ANK3: variants seen among roughly 807,000 people sequenced by gnomAD.
ANK3 encodes ankyrin-3.
ANK3 carries 57 observed loss-of-function variants against 370.9 expected under a neutral mutation model. The ratio of observed to expected loss-of-function variants is 0.15; its 90% CI spans 0.12 to 0.19. The LOEUF is 0.19. ANK3 is among the 10% of genes least tolerant of loss of function. ANK3 has a pLI of 1.00. For synonymous variants in ANK3, 1,929 were observed against 1,946.3 expected, an observed-to-expected ratio of 0.99 and a Z score of 0.23; for missense variants, 4,439 against 5,302.1, an observed-to-expected ratio of 0.84 and a Z score of 5.06.
intron 32 of ANK3, 158 bp downstream of exon 32, chr10:60,084,444 T>C (rs775414870): frequency 5.0e-6 from 2 of 397,192 alleles, no homozygotes; most frequent in Admixed American, 4.4e-5. Flanking sequence ...TTAAAAAAGA[T>C]AAAAAAATTT....
chr10:60,196,279 A>G (rs995070322), intron 15 of ANK3, 36 bp from the exon 16 acceptor site: 1 of 1,579,320 alleles, frequency 6.3e-7, no homozygotes, highest in Non-Finnish European at 8.7e-7. Context: ...CCAGTGTCAA[A>G]GGTGTCTTAA....
chr10:60,267,734 A>G (rs2097902767), intron 5 of ANK3, among the ~76,000 whole-genome samples: 1 of 152,190 alleles, frequency 6.6e-6, no homozygotes, highest in South Asian at 2.1e-4. Context: ...CTTCTAAAGG[A>G]GAGATACTTA....
At chr10:60,240,860 G>A (rs938117808) in intron 7 of ANK3, among the ~76,000 whole-genome samples, 1 of 152,162 alleles carries the variant, frequency 6.6e-6, no homozygotes, top group Non-Finnish European at 1.5e-5. Context: ...CAGTGTGCTG[G>A]GATTATAGGC....
At chr10:60,048,260 T>C (rs2077272607) in intron 42 of ANK3, among the ~76,000 whole-genome samples, 1 of 152,168 alleles carries the variant, frequency 6.6e-6, no homozygotes, top group African/African-American at 2.4e-5. Flanking sequence ...CAGTGTTAAC[T>C]ATGCTGGTTC....
chr10:60,335,866 G>A (rs2052699376), intron 1 of ANK3, among the ~76,000 whole-genome samples: 1 of 152,096 alleles, frequency 6.6e-6, no homozygotes, highest in African/African-American at 2.4e-5. Context: ...ATAGAGAGGT[G>A]GAGACACTTG....
intron 1 of ANK3, among the ~76,000 whole-genome samples, chr10:60,701,947 T>C (rs1029958483): frequency 1.1e-4 from 17 of 152,246 alleles, no homozygotes; most frequent in Non-Finnish European, 1.9e-4. Flanking sequence ...AATAAAACTT[T>C]ACAGCAGAAA....
chr10:60,477,415 G>A (rs1388622347), intron 2 of ANK3, among the ~76,000 whole-genome samples: 1 of 151,806 alleles, frequency 6.6e-6, no homozygotes, highest in Admixed American at 6.6e-5. Flanking sequence ...ATATTTTTCT[G>A]TACTCTTGAA....
intron 2 of ANK3, among the ~76,000 whole-genome samples, chr10:60,515,839 T>C (rs983774271): frequency 2.0e-5 from 3 of 152,208 alleles, no homozygotes; most frequent in African/African-American, 7.2e-5. Context: ...GTCATTATAC[T>C]AGTAAAAACT....
At chr10:60,218,868 G>C (rs2096990921) in intron 8 of ANK3, among the ~76,000 whole-genome samples, 1 of 152,030 alleles carries the variant, frequency 6.6e-6, no homozygotes. Context: ...ATAATATCCT[G>C]AACTGTGTTT....
chr10:60,178,957 C>CG (rs997435187), intron 18 of ANK3, among the ~76,000 whole-genome samples: 1 of 150,544 alleles, frequency 6.6e-6, no homozygotes, highest in Admixed American at 6.6e-5. Flanking sequence ...TGGAGGGGTG[C>CG]GGGGGGAGAG....
chr10:60,446,566 C>T (rs1333572884), intron 2 of ANK3, among the ~76,000 whole-genome samples: 1 of 152,146 alleles, frequency 6.6e-6, no homozygotes, highest in African/African-American at 2.4e-5. Flanking sequence ...TTTATCCAAA[C>T]AAAATATTTT....
chr10:60,352,295 G>A (rs767952026), intron 1 of ANK3, among the ~76,000 whole-genome samples: 13 of 152,138 alleles, frequency 8.5e-5, no homozygotes, highest in South Asian at 6.2e-4. Flanking sequence ...GCAAGACTCC[G>A]TCTCAAATAA....
chr10:60,677,626 G>A (rs2119917), intron 1 of ANK3, among the ~76,000 whole-genome samples: 101,633 of 151,714 alleles, frequency 0.67, 34,215 homozygotes, highest in South Asian at 0.83. Flanking sequence ...TAGATGTGCA[G>A]ATGGTTATGG....
chr10:60,478,609 T>C (rs1374373088), intron 2 of ANK3, among the ~76,000 whole-genome samples: 3 of 152,136 alleles, frequency 2.0e-5, no homozygotes, highest in African/African-American at 7.2e-5. Flanking sequence ...TTTCTGATAA[T>C]TTTGTTAGCC....
At chr10:60,501,719 A>AG (rs1203920860) in intron 2 of ANK3, among the ~76,000 whole-genome samples, 10 of 151,868 alleles carry the variant, frequency 6.6e-5, no homozygotes, top group Admixed American at 3.3e-4. Flanking sequence ...AAAAAAAAAA[A>AG]AAAAGAAAAG....
Position 60,611,835 on chromosome 10 carries a change from T to C in ANK3, c.96+3351A>G, listed in dbSNP as rs563545571. Among the ~76,000 whole-genome samples, 15 of 150,892 alleles carry C rather than the reference T, an allele frequency of 9.9e-5. No homozygotes were observed. In the South Asian group the frequency reaches 2.1e-3, roughly 21 times the overall value. On this transcript the variant is annotated intron_variant, in intron 2 of 43. Transcript: ENST00000373827. The stretch of plus-strand genomic sequence containing the variant: ...AGATCTAAAAAGTGACCTCGGTTTC[T>C]TAAATGTTGCCACGGGAGTCATATT...
At chr10:60,658,975 A>G (rs1214048121) in intron 1 of ANK3, among the ~76,000 whole-genome samples, 1 of 151,198 alleles carries the variant, frequency 6.6e-6, no homozygotes, top group Non-Finnish European at 1.5e-5. Flanking sequence ...AGGAAGGGGA[A>G]GGGACGGGAG....
chr10:60,423,380 G>C (rs967867236), intron 2 of ANK3, among the ~76,000 whole-genome samples: 1 of 151,358 alleles, frequency 6.6e-6, no homozygotes, highest in Admixed American at 6.6e-5. Flanking sequence ...GGTGGAGGTA[G>C]GGCAGTCTGG....
rs1450170148 is a variant in ANK3, at chr10:60,157,876, GAGAGAGAAAA to G, written c.2614+8705_2614+8714del. Among the ~76,000 whole-genome samples, 1,223 of 123,226 alleles carry G rather than the reference GAGAGAGAAAA, an allele frequency of 9.9e-3. 16 individuals are homozygous for G. The highest frequency in any genetic ancestry group is 0.033 in the African/African-American group (1,118 of 33,604). 80.8% of individuals were successfully genotyped at this position (123,226 alleles called of 152,430 possible). ...TAAAGAGAATGGAGAGACAGAGAGA[GAGAGAGAAAA>G]AGAGAGAGAGAGAGAGAGAGAGAGA... On this transcript the variant is annotated intron_variant, in intron 23 of 43. Transcript: ENST00000280772.
Sources: allele counts gnomAD v4.1 joint callset (sites outside exome capture counted in the v4.1 genomes callset), GRCh38; gene constraint gnomAD v4.1.1; transcripts MANE v1.5; gene names NCBI Gene and HGNC (gene_info 2026-07-23, HGNC 2026-07-21).